The following COBLL1 variants were observed in gnomAD, a reference collection of about 807,000 sequenced individuals.
COBLL1 encodes the protein cordon-bleu protein-like 1.
Under a neutral mutation model 94.8 loss-of-function variants are expected in COBLL1, and 50 were observed. That is an observed-to-expected ratio of 0.53 (90% CI 0.42 to 0.67). The LOEUF is 0.67. Ranked by LOEUF, COBLL1 falls within the 30% of genes least tolerant of loss-of-function variation. The pLI is 0.00. For synonymous variants in COBLL1, 448 were observed against 473.8 expected (o/e 0.95, Z 0.71); for missense variants, 1,362 against 1,348.7 (o/e 1.01, Z -0.15).
At chr2:164,708,414 C>A (rs1684716042) in intron 7 of COBLL1, among the ~76,000 whole-genome samples, 1 of 151,932 alleles carries the variant, frequency 6.6e-6, no homozygotes, top group Admixed American at 6.6e-5. Flanking sequence ...GGGCCCGCTG[C>A]AACAAAAAGG....
chr2:164,794,906 T>G (rs1683366667), intron 2 of COBLL1, among the ~76,000 whole-genome samples: 1 of 152,194 alleles, frequency 6.6e-6, no homozygotes. Flanking sequence ...TGCTAATGTT[T>G]AAGACTTAGT....
chr2:164,818,734 T>C (rs1335216767), intron 2 of COBLL1, among the ~76,000 whole-genome samples: 1 of 149,014 alleles, frequency 6.7e-6, no homozygotes, highest in Non-Finnish European at 1.5e-5. Flanking sequence ...TATGTACTTA[T>C]GTAAACATAT....
chr2:164,663,447 AC>A, intron 2 of COBLL1, among the ~76,000 whole-genome samples: 1 of 152,184 alleles, frequency 6.6e-6, no homozygotes, highest in East Asian at 1.9e-4. Flanking sequence ...ACTACAATTC[AC>A]CCCAGCACTC....
At chr2:164,833,988 C>T (rs1393632432) in intron 2 of COBLL1, among the ~76,000 whole-genome samples, 3 of 152,182 alleles carry the variant, frequency 2.0e-5, no homozygotes, top group African/African-American at 4.8e-5. Flanking sequence ...AAACTGAAGA[C>T]GTTTGGCCTT....
chr2:164,685,970 G>A lies in COBLL1; in HGVS notation c.3363C>T (p.Ser1121=), dbSNP rs758743842. 3 of 1,609,018 alleles carry A rather than the reference G, an allele frequency of 1.9e-6. No individual in the cohort carries two copies. The East Asian group carries it at 6.7e-5, about 36-fold the overall frequency. The stretch of plus-strand genomic sequence containing the variant: ...TTTAATGGCCGTCCTGGGCATCAGG[G>A]GACATGGAATGGCTGAGTCTTGACC... ...NGRSRLSHSM[S]PDAQDGH is the part of the protein sequence containing the mutation. Residue 1121 remains serine, a synonymous_variant, in exon 14 of 14, where the codon TCC becomes TCT. Transcript: ENST00000652658.
intron 1 of COBLL1, among the ~76,000 whole-genome samples, chr2:164,672,860 G>T (rs1431943586): frequency 4.6e-5 from 7 of 152,142 alleles, no homozygotes; most frequent in Admixed American, 4.6e-4. Flanking sequence ...GCTCTGAGAA[G>T]TGAAGTAACT....
At chr2:164,699,544 C>T (rs1684138060) in intron 10 of COBLL1, 45 bp from the exon 11 acceptor site, 1 of 987,452 alleles carries the variant, frequency 1.0e-6, no homozygotes. Flanking sequence ...ACTATTGAAA[C>T]ACACACATAC....
chr2:164,714,663 T>C (rs1307792845), intron 7 of COBLL1, among the ~76,000 whole-genome samples: 1 of 152,136 alleles, frequency 6.6e-6, no homozygotes, highest in Non-Finnish European at 1.5e-5. Context: ...AGGTTATCAC[T>C]GTGGCTCCAG....
intron 2 of COBLL1, among the ~76,000 whole-genome samples, chr2:164,659,349 C>T (rs1470616909): frequency 6.6e-6 from 1 of 152,180 alleles, no homozygotes; most frequent in African/African-American, 2.4e-5. Flanking sequence ...AAGGGAAACA[C>T]TAAAAGGTCC....
chr2:164,756,043 G>T (rs1481783598), intron 2 of COBLL1, among the ~76,000 whole-genome samples: 1 of 142,728 alleles, frequency 7.0e-6, no homozygotes, highest in East Asian at 2.4e-4. Context: ...CGTATAGTGT[G>T]TATATGGCAG....
intron 2 of COBLL1, among the ~76,000 whole-genome samples, chr2:164,758,101 C>T (rs915121544): frequency 4.6e-5 from 7 of 151,994 alleles, no homozygotes; most frequent in East Asian, 3.9e-4. Flanking sequence ...GAAATATCTA[C>T]AATGAGTCAC....
chr2:164,818,783 C>CACATATATATAT (rs1685015945), intron 2 of COBLL1, among the ~76,000 whole-genome samples: 1 of 117,550 alleles, frequency 8.5e-6, no homozygotes. Context: ...TATATATATA[C>CACATATATATAT]ATATAATTTT....
At chr2:164,740,272 A>T (rs949580564) in intron 3 of COBLL1, among the ~76,000 whole-genome samples, 1 of 152,080 alleles carries the variant, frequency 6.6e-6, no homozygotes, top group Non-Finnish European at 1.5e-5. Flanking sequence ...CTGGGGTGGG[A>T]AGATTGCTTG....
At chr2:164,835,060 T>TAA (rs150544855) in intron 2 of COBLL1, among the ~76,000 whole-genome samples, 87 of 150,050 alleles carry the variant, frequency 5.8e-4, no homozygotes, top group African/African-American at 1.3e-3. Context: ...ACAACCACTG[T>TAA]AAAAAAAAAC....
chr2:164,767,986 C>G (rs1014200194), intron 2 of COBLL1, among the ~76,000 whole-genome samples: 1 of 152,130 alleles, frequency 6.6e-6, no homozygotes, highest in Non-Finnish European at 1.5e-5. Flanking sequence ...GTGCAAAGAA[C>G]AGACTTTCAG....
chr2:164,768,441 A>T (rs1403215195), intron 2 of COBLL1, among the ~76,000 whole-genome samples: 1 of 151,830 alleles, frequency 6.6e-6, no homozygotes, highest in African/African-American at 2.4e-5. Flanking sequence ...CATATCAGCT[A>T]CTGTTAGTAT....
chr2:164,822,771 T>C (rs1685238255), intron 2 of COBLL1, among the ~76,000 whole-genome samples: 1 of 130,620 alleles, frequency 7.7e-6, no homozygotes, highest in Non-Finnish European at 1.6e-5. Flanking sequence ...TTATTATTAT[T>C]ATTATTATTA....
At chr2:164,759,024 A>T (rs1319183617) in intron 2 of COBLL1, among the ~76,000 whole-genome samples, 1 of 152,180 alleles carries the variant, frequency 6.6e-6, no homozygotes, top group Non-Finnish European at 1.5e-5. Context: ...AGTTATAATT[A>T]TTAAAATATA....
chr2:164,810,480 C>A (rs1213964177), intron 2 of COBLL1, among the ~76,000 whole-genome samples: 1 of 151,202 alleles, frequency 6.6e-6, no homozygotes, highest in African/African-American at 2.4e-5. Flanking sequence ...ATTGTTATAG[C>A]AATATAGAAG....
Sources: allele counts gnomAD v4.1 joint callset (sites outside exome capture counted in the v4.1 genomes callset), GRCh38; gene constraint gnomAD v4.1.1; transcripts MANE v1.5; gene names NCBI Gene and HGNC (gene_info 2026-07-23, HGNC 2026-07-21).